ZNF317: variants seen among roughly 807,000 people sequenced by gnomAD.
The protein encoded by ZNF317 is KRAB-containing zinc finger protein 317.
In ZNF317, 17 loss-of-function variants were observed where a neutral mutation model predicts 23.4. The observed-to-expected ratio is 0.73, with a 90% CI of 0.50 to 1.09. ZNF317 has a LOEUF of 1.09. Ranked by LOEUF, ZNF317 falls within the 50% of genes least tolerant of loss-of-function variation. ZNF317 has a pLI of 0.00. For synonymous variants in ZNF317, 317 were observed against 314.9 expected (o/e 1.01, Z -0.07); for missense variants, 679 against 796.7 (o/e 0.85, Z 1.78).
Position 9,162,523 on chromosome 19 carries a change from C to T in ZNF317, c.*1090C>T, listed in dbSNP as rs2050870290. The T allele has an allele frequency of 6.6e-6, 1 of 151,450 alleles. No homozygotes were observed. The highest frequency in any genetic ancestry group is 1.9e-4 in the East Asian group (1 of 5,162). 9.4% of individuals were successfully genotyped at this position (151,450 alleles called of 1,614,324 possible). ...GGAGAGAAGCCCCAGCGAGATTTTC[C>T]GGTGAATACGGGATTGCACTTACTC... On this transcript the variant is annotated 3_prime_UTR_variant, in exon 7 of 7. Transcript: ENST00000247956.
intron 2 of ZNF317, 33 bp from the exon 3 acceptor site, chr19:9,156,579 T>C: frequency 6.2e-7 from 1 of 1,606,096 alleles, no homozygotes. Flanking sequence ...CAGGGCAGGC[T>C]CTGATTCTCA....
chr19:9,157,699 T>A lies in ZNF317; in HGVS notation c.290-281T>A, dbSNP rs8110497. Reference sequence around the variant, plus strand: ...CCTATTTCTTTTTTTTTTTTTTTTTTTTTATTTTTGGTGATGAAGGGTTCT... The same window carrying A: ...CCTATTTCTTTTTTTTTTTTTTTTTATTTATTTTTGGTGATGAAGGGTTCT... On this transcript the variant is annotated intron_variant, in intron 4 of 6. Coordinates refer to ENST00000247956, the MANE Select transcript of ZNF317 (RefSeq NM_020933.5). The A allele has an allele frequency of 0.14, 70,834 of 514,540 alleles. 7,512 individuals are homozygous for A. Among genetic ancestry groups the A allele is most frequent in the Non-Finnish European group, 0.15 (52,942 of 355,182 alleles). The allele number at this position is 514,540 out of a possible 1,614,324, so 31.9% of individuals were successfully genotyped here.
At chr19:9,159,383 A>AT (rs1232147351) in intron 6 of ZNF317, among the ~76,000 whole-genome samples, 4 of 151,586 alleles carry the variant, frequency 2.6e-5, no homozygotes, top group Non-Finnish European at 5.9e-5. Context: ...TGATTTTTCT[A>AT]TTTTTTGCAG....
chr19:9,157,466 C>A (rs2050796611), intron 4 of ZNF317, 72 bp downstream of exon 4: 1 of 1,588,842 alleles, frequency 6.3e-7, no homozygotes, highest in Non-Finnish European at 8.6e-7. Flanking sequence ...GTTCTGTGAC[C>A]CAGGAACTAT....
At chr19:9,141,710 A>G (rs138121219) in intron 1 of ZNF317, among the ~76,000 whole-genome samples, 1 of 152,248 alleles carries the variant, frequency 6.6e-6, no homozygotes, top group Non-Finnish European at 1.5e-5. Flanking sequence ...CTTTGGGAAT[A>G]TTGTCGTTTT....
intron 3 of ZNF317, 128 bp downstream of exon 3, chr19:9,156,876 C>A: frequency 8.5e-7 from 1 of 1,180,746 alleles, no homozygotes; most frequent in Non-Finnish European, 1.2e-6. Context: ...CAAGAGAGAG[C>A]CAAGGAATAT....
At chr19:9,148,071 C>T (rs1271335799) in intron 1 of ZNF317, among the ~76,000 whole-genome samples, 1 of 152,156 alleles carries the variant, frequency 6.6e-6, no homozygotes, top group Admixed American at 6.5e-5. Flanking sequence ...TGCCTGCTTC[C>T]CTTTTGCCTT....
intron 1 of ZNF317, among the ~76,000 whole-genome samples, chr19:9,154,415 T>C (rs1405476108): frequency 1.3e-5 from 2 of 149,052 alleles, no homozygotes; most frequent in African/African-American, 2.5e-5. Flanking sequence ...AGAAACCCCC[T>C]TTTTTTTTTC....
At position 9,160,068 on chromosome 19, in the gene ZNF317, T is replaced by A; in HGVS notation, c.469-46T>A. 1 of 1,608,314 alleles carries A rather than the reference T, an allele frequency of 6.2e-7. No individual in the cohort carries two copies. Among genetic ancestry groups the A allele is most frequent in the Non-Finnish European group, 8.5e-7 (1 of 1,175,982 alleles). ...GTGGGGATGACGCTTAGGGTTGCAATGAATATGAGAATTGCCTTTGTCAGC... is the reference window on the plus strand; with the variant it reads ...GTGGGGATGACGCTTAGGGTTGCAAAGAATATGAGAATTGCCTTTGTCAGC... On this transcript the variant is annotated intron_variant, in intron 6 of 6. Transcript: ENST00000247956. The surrounding 1 kb of genome is among the most constrained non-coding windows in gnomAD (Gnocchi z 6.8).
intron 1 of ZNF317, 36 bp from the exon 2 acceptor site, chr19:9,155,889 C>T (rs1202298897): frequency 8.5e-7 from 1 of 1,180,338 alleles, no homozygotes; most frequent in Non-Finnish European, 1.3e-6. Flanking sequence ...GACAGATAGC[C>T]TTTCACTACT....
intron 1 of ZNF317, among the ~76,000 whole-genome samples, chr19:9,142,544 ATTTTT>A (rs35609929): frequency 1.9e-4 from 26 of 133,740 alleles, no homozygotes; most frequent in African/African-American, 7.2e-4. Flanking sequence ...TTAACAAGTG[ATTTTT>A]TTTTTTTTTT....
intron 6 of ZNF317, 125 bp from the exon 7 acceptor site, chr19:9,159,989 A>G: frequency 7.1e-7 from 1 of 1,408,670 alleles, no homozygotes; most frequent in Non-Finnish European, 9.7e-7. Flanking sequence ...TGCACGGCAG[A>G]TGGTTACAGC....
Position 9,161,613 on chromosome 19 carries a change from A to T in ZNF317, c.*180A>T. The stretch of plus-strand genomic sequence containing the variant: ...GTTCTCATCCCATAGGAGGTTTGTG[A>T]GAACTCACGCCGGGGGTGAAAATGT... On this transcript the variant is annotated 3_prime_UTR_variant, in exon 7 of 7. Coordinates refer to ENST00000247956, the MANE Select transcript of ZNF317 (RefSeq NM_020933.5). This position sits in a 1 kb window ranked among gnomAD's most constrained non-coding sequence, Gnocchi z 4.0. The T allele has an allele frequency of 1.2e-6, 1 of 860,880 alleles. No homozygotes were observed. Among genetic ancestry groups the T allele is most frequent in the Non-Finnish European group, 1.7e-6 (1 of 577,696 alleles). 53.3% of individuals were successfully genotyped at this position (860,880 alleles called of 1,614,324 possible).
intron 6 of ZNF317, 115 bp from the exon 7 acceptor site, chr19:9,159,999 C>G: frequency 1.4e-6 from 2 of 1,471,020 alleles, no homozygotes; most frequent in East Asian, 4.6e-5. Context: ...ATGGTTACAG[C>G]TCTAGTCATA....
At chr19:9,153,972 T>C (rs972339527) in intron 1 of ZNF317, among the ~76,000 whole-genome samples, 1 of 152,042 alleles carries the variant, frequency 6.6e-6, no homozygotes, top group African/African-American at 2.4e-5. Context: ...GGTTTCAAGA[T>C]GGGATAGACC....
chr19:9,141,605 C>A (rs2050630428), intron 1 of ZNF317, among the ~76,000 whole-genome samples: 1 of 152,150 alleles, frequency 6.6e-6, no homozygotes, highest in Admixed American at 6.6e-5. Flanking sequence ...CCTAGCCATT[C>A]TTTTTCAGGA....
chr19:9,146,421 CT>C (rs1434699681), intron 1 of ZNF317, among the ~76,000 whole-genome samples: 88 of 132,792 alleles, frequency 6.6e-4, no homozygotes, highest in Middle Eastern at 7.2e-3. Context: ...TATTTATATA[CT>C]TTTTTTCTTT....
chr19:9,156,886 T>C (rs941435597), intron 3 of ZNF317, 138 bp downstream of exon 3: 20 of 1,087,532 alleles, frequency 1.8e-5, no homozygotes, highest in Admixed American at 1.1e-4. Context: ...CCAAGGAATA[T>C]TGGGGCTGTC....
At chr19:9,158,686 G>A (rs2050814934) in intron 5 of ZNF317, 140 bp from the exon 6 acceptor site, 1 of 644,038 alleles carries the variant, frequency 1.6e-6, no homozygotes, top group Non-Finnish European at 2.8e-6. Flanking sequence ...TATCTCACAT[G>A]ACCAGATTTT....
Sources: gnomAD v4.1 joint callset for allele counts (sites outside exome capture counted in the v4.1 genomes callset) on GRCh38, gnomAD v4.1.1 for gene constraint, Gnocchi (gnomAD v3.1) non-coding constraint, MANE v1.5 for transcripts, NCBI Gene and HGNC (gene_info 2026-07-23, HGNC 2026-07-21) for gene names.